DROSHA: variants seen among roughly 807,000 people sequenced by gnomAD.
DROSHA encodes ribonuclease 3.
Under a neutral mutation model 181.9 loss-of-function variants are expected in DROSHA, and 56 were observed. The ratio of observed to expected loss-of-function variants is 0.31; its 90% CI spans 0.25 to 0.38. The LOEUF is 0.38. Among genes scored for constraint, DROSHA ranks in the 10% least tolerant of loss-of-function variants. The pLI, the probability that DROSHA is intolerant of heterozygous loss-of-function variation, is 1.00. For synonymous variants in DROSHA, 524 were observed against 591.2 expected (o/e 0.89, Z 1.65); for missense variants, 1,218 against 1,743.5 (o/e 0.70, Z 5.37).
At chr5:31,496,350 C>G (rs752395972) in intron 11 of DROSHA, among the ~76,000 whole-genome samples, 53 of 152,096 alleles carry the variant, frequency 3.5e-4, no homozygotes, top group Non-Finnish European at 4.0e-4. Context: ...TCACTTGAGC[C>G]CAGGAGGCAG....
intron 20 of DROSHA, among the ~76,000 whole-genome samples, chr5:31,453,095 C>T (rs769168927): frequency 2.6e-5 from 4 of 152,224 alleles, no homozygotes; most frequent in South Asian, 2.1e-4. Flanking sequence ...AAAGCATGAA[C>T]TCAACCTGGT....
intron 27 of DROSHA, 99 bp from the exon 28 acceptor site, chr5:31,424,570 A>G (rs1439442419): frequency 1.4e-6 from 2 of 1,398,684 alleles, no homozygotes; most frequent in Non-Finnish European, 1.9e-6. Flanking sequence ...GAACTATTTC[A>G]GACACTGACT....
At position 31,466,269 on chromosome 5, in the gene DROSHA, C is replaced by T; in HGVS notation, c.2379G>A (p.Leu793=). 6.2e-7 allele frequency: 1 copy of T among 1,613,646 alleles called. No individual in the cohort carries two copies. Among genetic ancestry groups the T allele is most frequent in the South Asian group, 1.1e-5 (1 of 91,062 alleles). Residue 793 remains leucine (L), a synonymous_variant, in exon 19 of 36, where the codon CTG becomes CTA. Coordinates refer to ENST00000344624, the MANE Select transcript of DROSHA (RefSeq NM_001382508.1). ...GGCGAAGTTTCACATAACTCTTCCA[C>T]AGTTTTTGGTACCTAAGGAAAAGGA... ...SYAGDPQYQK[L]WKSYVKLRHL... is the part of the protein sequence containing the mutation.
At chr5:31,492,731 C>A (rs1752559796) in intron 13 of DROSHA, among the ~76,000 whole-genome samples, 1 of 152,206 alleles carries the variant, frequency 6.6e-6, no homozygotes, top group Non-Finnish European at 1.5e-5. Flanking sequence ...ATAAAAATAT[C>A]ATGAATCCAT....
intron 23 of DROSHA, 53 bp downstream of exon 23, chr5:31,448,494 T>C: frequency 6.8e-7 from 1 of 1,461,818 alleles, no homozygotes; most frequent in Non-Finnish European, 9.6e-7. Flanking sequence ...GAGTAAACTG[T>C]ATAGTACGTG....
At chr5:31,466,496 A>G (rs1013465474) in intron 18 of DROSHA, 23 of 473,680 alleles carry the variant, frequency 4.9e-5, no homozygotes, top group African/African-American at 4.5e-4. Context: ...TAAGTTGATT[A>G]TTGCTTATTT....
Position 31,529,055 on chromosome 5 carries a change from A to G in DROSHA, c.5T>C (p.Met2Thr), listed in dbSNP as rs780835676. The G allele has an allele frequency of 8.1e-6, 13 of 1,613,338 alleles. No individual in the cohort carries two copies. Among genetic ancestry groups the G allele is most frequent in the Non-Finnish European group, 1.0e-5 (12 of 1,179,714 alleles). MMQGNTCHRMSF... is the reference protein window; with the variant it reads MTQGNTCHRMSF... ...CGGCACTCACCATGTGTTTCCCTGC[A>G]TCATGATGTTCCGCCTGGATATGTC... The change falls in exon 4 of 36, where the codon ATG becomes ACG. Residue 2 changes from methionine to threonine, a missense_variant. By Grantham distance (81) the Met-to-Thr change is moderately conservative. Coordinates refer to ENST00000344624, the MANE Select transcript of DROSHA (RefSeq NM_001382508.1).
intron 10 of DROSHA, chr5:31,505,880 G>C (rs1168293713): frequency 6.6e-6 from 1 of 151,714 alleles, no homozygotes; most frequent in Non-Finnish European, 1.5e-5. Flanking sequence ...AAATATAAAA[G>C]TCAATAAGAC....
At chr5:31,525,480 G>A (rs533012350) in intron 5 of DROSHA, among the ~76,000 whole-genome samples, 11 of 143,868 alleles carry the variant, frequency 7.6e-5, no homozygotes, top group Non-Finnish European at 1.5e-4. Context: ...CTCCTGCCTG[G>A]GCAACATAGC....
chr5:31,530,403 A>G lies in DROSHA; in HGVS notation c.-47+395T>C, dbSNP rs1241020860. On this transcript the variant is annotated intron_variant, in intron 3 of 35. Transcript: ENST00000344624. Reference sequence around the variant, plus strand: ...ATCAAGTTCAACCTCTGTGCTTGGCATTTAAGGCTCTATTGACTCTGGACC... The same window carrying G: ...ATCAAGTTCAACCTCTGTGCTTGGCGTTTAAGGCTCTATTGACTCTGGACC... Among the ~76,000 whole-genome samples the G allele has an allele frequency of 2.0e-5, 3 of 152,052 alleles. No homozygotes were observed. The East Asian group carries it at 5.8e-4, about 29-fold the overall frequency.
intron 29 of DROSHA, among the ~76,000 whole-genome samples, chr5:31,421,583 G>A (rs1032937480): frequency 7.2e-5 from 11 of 151,986 alleles, no homozygotes; most frequent in African/African-American, 2.7e-4. Flanking sequence ...AGAATAAAGT[G>A]AATATTATCT....
At chr5:31,405,767 CTTT>C (rs67380927) in intron 34 of DROSHA, 44 bp from the exon 35 acceptor site, 2,315 of 467,576 alleles carry the variant, frequency 5.0e-3, no homozygotes, top group African/African-American at 0.013. Context: ...TTTCAAGATT[CTTT>C]TTTTTTTTTT....
At chr5:31,520,234 T>C (rs1250731626) in intron 6 of DROSHA, among the ~76,000 whole-genome samples, 2 of 152,200 alleles carry the variant, frequency 1.3e-5, no homozygotes, top group Non-Finnish European at 2.9e-5. Context: ...TTTTAAATTT[T>C]TTAATTTCTT....
chr5:31,450,921 G>A (rs530186452), intron 21 of DROSHA, among the ~76,000 whole-genome samples: 2 of 152,226 alleles, frequency 1.3e-5, no homozygotes, highest in East Asian at 3.9e-4. Flanking sequence ...ACATCTTTAG[G>A]CTGGGCGTGG....
intron 23 of DROSHA, among the ~76,000 whole-genome samples, chr5:31,439,506 C>T (rs983926185): frequency 1.3e-5 from 2 of 152,052 alleles, no homozygotes; most frequent in African/African-American, 4.8e-5. Context: ...TCAGGGGTAC[C>T]TGTGCAGGTT....
intron 20 of DROSHA, among the ~76,000 whole-genome samples, chr5:31,460,759 C>T (rs1003101813): frequency 6.6e-6 from 1 of 151,918 alleles, no homozygotes; most frequent in Admixed American, 6.6e-5. Context: ...TCTTCATTAC[C>T]AAAAATACTA....
chr5:31,496,830 T>A (rs1753041638), intron 11 of DROSHA, among the ~76,000 whole-genome samples: 1 of 152,232 alleles, frequency 6.6e-6, no homozygotes, highest in African/African-American at 2.4e-5. Flanking sequence ...ATACACACAG[T>A]ACAGCCAGTG....
intron 12 of DROSHA, among the ~76,000 whole-genome samples, chr5:31,493,997 C>A (rs1045485763): frequency 7.0e-6 from 1 of 142,868 alleles, no homozygotes; most frequent in Non-Finnish European, 1.5e-5. Context: ...GAGATGAAGT[C>A]TCACTCTCTT....
At chr5:31,440,503 C>T (rs542462881) in intron 23 of DROSHA, among the ~76,000 whole-genome samples, 2 of 152,266 alleles carry the variant, frequency 1.3e-5, no homozygotes, top group South Asian at 2.1e-4. Context: ...ACTATTCCTC[C>T]ACATTTTGGA....
Sources: gnomAD v4.1 joint callset for allele counts (sites outside exome capture counted in the v4.1 genomes callset) on GRCh38, gnomAD v4.1.1 for gene constraint, MANE v1.5 for transcripts, NCBI Gene and HGNC (gene_info 2026-07-23, HGNC 2026-07-21) for gene names.